Variants in ZEB1 observed in about 807,000 individuals in gnomAD.
ZEB1 encodes the protein zinc finger E-box binding homeobox 1.
Under a neutral mutation model 84.9 loss-of-function variants are expected in ZEB1, and 21 were observed. The observed-to-expected ratio is 0.25, with a 90% CI of 0.18 to 0.36. ZEB1 has a LOEUF of 0.36. Among genes scored for constraint, ZEB1 ranks in the 10% least tolerant of loss-of-function variants. The pLI, the probability that ZEB1 is intolerant of heterozygous loss-of-function variation, is 1.00. For missense variants in ZEB1, 1,104 were observed against 1,330.2 expected (o/e 0.83, Z 2.65); for synonymous variants, 420 against 471.1 (o/e 0.89, Z 1.41).
At chr10:31,370,763 G>A (rs1028438097) in intron 1 of ZEB1, among the ~76,000 whole-genome samples, 5 of 152,160 alleles carry the variant, frequency 3.3e-5, no homozygotes, top group African/African-American at 1.2e-4. Flanking sequence ...AGCATCTGTG[G>A]TTCTTAAGAG....
intron 1 of ZEB1, among the ~76,000 whole-genome samples, chr10:31,356,606 T>C (rs917623535): frequency 4.6e-5 from 7 of 152,162 alleles, no homozygotes; most frequent in African/African-American, 1.7e-4. Flanking sequence ...GAGGAAACAT[T>C]TTGGAAACAG....
At chr10:31,422,170 C>T (rs2056273421) in intron 1 of ZEB1, among the ~76,000 whole-genome samples, 1 of 152,122 alleles carries the variant, frequency 6.6e-6, no homozygotes, top group South Asian at 2.1e-4. Context: ...GGGGCAAAGC[C>T]TTTTCATCTT....
rs375844772 is a variant in ZEB1 at position 31,524,500 on chromosome 10, C to T, written c.2785+387C>T. Among the ~76,000 whole-genome samples the T allele has an allele frequency of 2.6e-4, 40 of 152,256 alleles. 1 individual carries two copies. Among genetic ancestry groups the T allele is most frequent in the African/African-American group, 8.4e-4 (35 of 41,538 alleles). On this transcript the variant is annotated intron_variant, in intron 8 of 8. Coordinates refer to ENST00000424869, the MANE Select transcript of ZEB1 (RefSeq NM_001174096.2). ...CTGGTATTACAGGCATGAGCCACCA[C>T]GCTTGACCCAGAATTAATTTTCTTA...
At chr10:31,349,340 A>G (rs567280732) in intron 1 of ZEB1, among the ~76,000 whole-genome samples, 11 of 152,322 alleles carry the variant, frequency 7.2e-5, no homozygotes, top group Non-Finnish European at 1.5e-4. Context: ...ACTTAGGTTG[A>G]TTCCATATCC....
At chr10:31,465,199 TAAA>T (rs950632960) in intron 2 of ZEB1, among the ~76,000 whole-genome samples, 15 of 151,890 alleles carry the variant, frequency 9.9e-5, no homozygotes, top group Admixed American at 3.3e-4. Context: ...AATATAAAAA[TAAA>T]AAACAAGGTA....
At position 31,521,600 on chromosome 10, in the gene ZEB1, T is replaced by C; in HGVS notation, c.2268T>C (p.Val756=). 1 of 1,614,078 alleles carries C rather than the reference T, an allele frequency of 6.2e-7. No individual in the cohort carries two copies. The highest frequency in any genetic ancestry group is 1.1e-5 in the South Asian group (1 of 91,076). The change falls in exon 7 of 9, where the codon GTT becomes GTC. Residue 756 remains valine (V), a synonymous_variant. Coordinates refer to ENST00000424869, the MANE Select transcript of ZEB1 (RefSeq NM_001174096.2). ...ELLERSTITS[V]YQNSVYSVQE... ...TAGAAAGGTCAACTATCACTAGTGT[T>C]TACCAGAACAGTGTTTATTCTGTCC...
chr10:31,406,856 A>G (rs2135628713), intron 1 of ZEB1, among the ~76,000 whole-genome samples: 1 of 152,014 alleles, frequency 6.6e-6, no homozygotes, highest in Non-Finnish European at 1.5e-5. Context: ...ATCTATCTTG[A>G]GTTAATTTTT....
chr10:31,338,709 G>A (rs934474078), intron 1 of ZEB1, among the ~76,000 whole-genome samples: 3 of 152,092 alleles, frequency 2.0e-5, no homozygotes, highest in African/African-American at 4.8e-5. Flanking sequence ...GTGTCCGTAC[G>A]TTCATGAGAT....
chr10:31,520,451 T>C lies in ZEB1; in HGVS notation c.1119T>C (p.Asn373=). The C allele has an allele frequency of 6.2e-7, 1 of 1,614,008 alleles. No homozygotes were observed. Among genetic ancestry groups the C allele is most frequent in the East Asian group, 2.2e-5 (1 of 44,862 alleles). Residue 373 remains asparagine (N), a synonymous_variant, in exon 7 of 9, where the codon AAT becomes AAC. Coordinates refer to ENST00000424869, the MANE Select transcript of ZEB1 (RefSeq NM_001174096.2). The surrounding 1 kb of genome is among the most constrained non-coding windows in gnomAD (Gnocchi z 5.1). ...TCAACTGTTCAACCCCTTTACAAAA[T>C]GGGGTTTTCACTGGTGGTGGCCCAT... is the stretch of plus-strand genomic sequence containing the variant. The part of the protein sequence containing the change: ...SGINCSTPLQ[N]GVFTGGGPLQ...
At position 31,504,151 on chromosome 10, in the gene ZEB1, G is replaced by A. The variant is rs1158995000; in HGVS notation, c.484+1642G>A. ...GATTTTTGTATGTGGTGAGAAATAG[G>A]AGTCCAGTTTCATTCTTCACATGTT... On this transcript the variant is annotated intron_variant, in intron 4 of 8. Transcript: ENST00000424869. Among the ~76,000 whole-genome samples the A allele has an allele frequency of 2.0e-5, 3 of 152,020 alleles. No homozygotes were observed. The East Asian group carries it at 5.8e-4, about 29-fold the overall frequency.
chr10:31,391,250 TGTGTGTGTGTGTGTGTGTGTGTGTGTGA>T (rs1168069325), intron 1 of ZEB1, among the ~76,000 whole-genome samples: 2 of 145,862 alleles, frequency 1.4e-5, no homozygotes, highest in African/African-American at 2.7e-5. Context: ...TGTGTGTGTG[TGTGTGTGTGTGTGTGTGTGTGTGTGTGA>T]GATCCAATAA....
intron 1 of ZEB1, among the ~76,000 whole-genome samples, chr10:31,437,914 G>A (rs1341770916): frequency 1.3e-5 from 2 of 152,160 alleles, no homozygotes; most frequent in Admixed American, 6.6e-5. Context: ...GCTACTAATC[G>A]ATAAGCCTCA....
chr10:31,382,978 A>G (rs944638416), intron 1 of ZEB1, among the ~76,000 whole-genome samples: 1 of 152,120 alleles, frequency 6.6e-6, no homozygotes, highest in Admixed American at 6.5e-5. Context: ...TTTGCAAGTA[A>G]GCAGTGCTAA....
intron 2 of ZEB1, among the ~76,000 whole-genome samples, chr10:31,465,673 A>G (rs2062331746): frequency 1.3e-5 from 2 of 152,080 alleles, no homozygotes; most frequent in African/African-American, 4.8e-5. Flanking sequence ...GAGTGCAGTG[A>G]TGCAGTCACA....
intron 1 of ZEB1, among the ~76,000 whole-genome samples, chr10:31,342,797 G>T (rs1404326319): frequency 6.6e-6 from 1 of 152,086 alleles, no homozygotes; most frequent in African/African-American, 2.4e-5. Context: ...CCCCCATATG[G>T]ATAAGCTCGT....
intron 1 of ZEB1, among the ~76,000 whole-genome samples, chr10:31,327,052 A>G (rs2035649539): frequency 1.3e-5 from 2 of 148,832 alleles, no homozygotes; most frequent in South Asian, 2.1e-4. Context: ...CATAAGTGCT[A>G]TAAGTGCTAC....
intron 1 of ZEB1, among the ~76,000 whole-genome samples, chr10:31,333,452 G>T (rs1161906463): frequency 1.3e-5 from 2 of 152,134 alleles, no homozygotes; most frequent in African/African-American, 4.8e-5. Context: ...GTTTCAGACA[G>T]ACATTATATA....
intron 1 of ZEB1, chr10:31,372,995 TTAA>T: frequency 1.0e-6 from 1 of 985,286 alleles, no homozygotes; most frequent in Non-Finnish European, 1.2e-6. Flanking sequence ...TGGGAACAAC[TTAA>T]TAAAGTTTGG....
chr10:31,346,902 A>G (rs2040414363), intron 1 of ZEB1, among the ~76,000 whole-genome samples: 1 of 152,198 alleles, frequency 6.6e-6, no homozygotes, highest in Admixed American at 6.5e-5. Flanking sequence ...CAAGATTTAC[A>G]GATTTTTAAG....
Sources: allele counts gnomAD v4.1 joint callset (sites outside exome capture counted in the v4.1 genomes callset), GRCh38; gene constraint gnomAD v4.1.1; non-coding constraint Gnocchi (gnomAD v3.1); transcripts MANE v1.5; gene names NCBI Gene and HGNC (gene_info 2026-07-23, HGNC 2026-07-21).